ADGRL3: variants seen among roughly 807,000 people sequenced by gnomAD.
ADGRL3 encodes the protein adhesion G protein-coupled receptor L3.
ADGRL3 carries 62 observed loss-of-function variants against 153.5 expected under a neutral mutation model. The observed-to-expected ratio is 0.40, with a 90% CI of 0.33 to 0.50. The LOEUF (loss-of-function observed/expected upper bound fraction) is 0.50. Among genes scored for constraint, ADGRL3 ranks in the 20% least tolerant of loss-of-function variants. The pLI, the probability that ADGRL3 is intolerant of heterozygous loss-of-function variation, is 0.47. For synonymous variants in ADGRL3, 710 were observed against 672.5 expected (o/e 1.06, Z -0.86); for missense variants, 1,641 against 1,859.4 (o/e 0.88, Z 2.16).
intron 5 of ADGRL3, among the ~76,000 whole-genome samples, chr4:61,632,886 G>C (rs193092006): frequency 6.6e-6 from 1 of 152,008 alleles, no homozygotes; most frequent in Admixed American, 6.6e-5. Context: ...ATTTTAAAAG[G>C]CTCATTACTT....
intron 1 of ADGRL3, among the ~76,000 whole-genome samples, chr4:61,223,658 G>A (rs1211780135): frequency 6.6e-6 from 1 of 152,168 alleles, no homozygotes; most frequent in Admixed American, 6.5e-5. Context: ...TAATGTTGAG[G>A]GTGTGTGTCT....
chr4:61,815,782 G>A (rs2097681696), intron 9 of ADGRL3, among the ~76,000 whole-genome samples: 1 of 152,190 alleles, frequency 6.6e-6, no homozygotes. Flanking sequence ...AACTAGGTAG[G>A]TCCTTTTTGC....
intron 2 of ADGRL3, among the ~76,000 whole-genome samples, chr4:61,480,174 C>T (rs1267619524): frequency 6.6e-6 from 1 of 152,142 alleles, no homozygotes; most frequent in Non-Finnish European, 1.5e-5. Flanking sequence ...CATCATCTCT[C>T]CTCTCTCCAT....
intron 3 of ADGRL3, among the ~76,000 whole-genome samples, chr4:61,509,218 C>G (rs1206275163): frequency 6.6e-6 from 1 of 151,444 alleles, no homozygotes; most frequent in Non-Finnish European, 1.5e-5. Context: ...ACCTCCGCCT[C>G]CCGGGTTCAA....
At chr4:61,900,040 C>T (rs1440005349) in intron 11 of ADGRL3, among the ~76,000 whole-genome samples, 2 of 152,122 alleles carry the variant, frequency 1.3e-5, no homozygotes, top group Non-Finnish European at 2.9e-5. Flanking sequence ...CTGGAGAACT[C>T]CTGAGGACAT....
intron 1 of ADGRL3, among the ~76,000 whole-genome samples, chr4:61,208,752 T>G (rs1394948): frequency 0.041 from 6,281 of 152,204 alleles, 444 homozygotes; most frequent in African/African-American, 0.14. Context: ...AAGACCCCAA[T>G]TGAATATTTA....
rs373225409 is a variant in ADGRL3 at position 61,848,055 on chromosome 4, TTA to T, written c.1480+34175_1480+34176del. On this transcript the variant is annotated intron_variant, in intron 9 of 26. Coordinates refer to ENST00000683033, the MANE Select transcript of ADGRL3 (RefSeq NM_001387552.1). Reference sequence around the variant, plus strand: ...TATTATATATATAATATAAAATATATTATATATATAATATAAAATATATTATA... The same window carrying T: ...TATTATATATATAATATAAAATATATTATATATAATATAAAATATATTATA... Among the ~76,000 whole-genome samples the T allele has an allele frequency of 3.8e-3, 42 of 11,078 alleles. 10 individuals are homozygous for T. The highest frequency in any genetic ancestry group is 0.017 in the Non-Finnish European group (34 of 1,958). The allele number at this position is 11,078 out of a possible 152,430, so 7.3% of individuals were successfully genotyped here. A position where few individuals can be genotyped will look rare whatever the true frequency, so the allele number is the denominator to read the frequency against.
At chr4:61,436,874 G>A (rs1426413752) in intron 2 of ADGRL3, among the ~76,000 whole-genome samples, 2 of 101,260 alleles carry the variant, frequency 2.0e-5, no homozygotes, top group African/African-American at 3.3e-5. Flanking sequence ...GCTTTTAAAT[G>A]TGTGGTACTT....
At chr4:61,213,937 A>G (rs1399812444) in intron 1 of ADGRL3, among the ~76,000 whole-genome samples, 2 of 152,222 alleles carry the variant, frequency 1.3e-5, no homozygotes, top group East Asian at 3.9e-4. Flanking sequence ...CTACTTGGTT[A>G]CAGATCCAGA....
At chr4:61,296,806 T>C (rs1322077893) in intron 1 of ADGRL3, among the ~76,000 whole-genome samples, 1 of 152,170 alleles carries the variant, frequency 6.6e-6, no homozygotes, top group East Asian at 1.9e-4. Context: ...TTAAATTATA[T>C]TTATAAAATA....
At chr4:61,326,603 G>A (rs1427562091) in intron 1 of ADGRL3, among the ~76,000 whole-genome samples, 1 of 139,148 alleles carries the variant, frequency 7.2e-6, no homozygotes, top group Non-Finnish European at 1.5e-5. Context: ...CAGATAATGT[G>A]TGTGTGTGTG....
intron 2 of ADGRL3, among the ~76,000 whole-genome samples, chr4:61,425,836 T>C (rs540496164): frequency 5.5e-4 from 84 of 152,348 alleles, no homozygotes; most frequent in African/African-American, 1.9e-3. Context: ...GGGGCTATGG[T>C]AGCCAACCAT....
chr4:61,226,157 A>T (rs1020623997), intron 1 of ADGRL3, among the ~76,000 whole-genome samples: 1 of 152,144 alleles, frequency 6.6e-6, no homozygotes, highest in African/African-American at 2.4e-5. Context: ...TATTAACATA[A>T]ACATTAACAT....
intron 25 of ADGRL3, among the ~76,000 whole-genome samples, chr4:62,047,473 A>G (rs569362109): frequency 2.6e-5 from 4 of 152,118 alleles, no homozygotes; most frequent in African/African-American, 7.2e-5. Flanking sequence ...ATTTTTTTAA[A>G]CCATCTCAAA....
At chr4:61,838,074 G>T (rs1231201371) in intron 9 of ADGRL3, among the ~76,000 whole-genome samples, 1 of 151,890 alleles carries the variant, frequency 6.6e-6, no homozygotes, top group East Asian at 1.9e-4. Flanking sequence ...AGAAAATAAA[G>T]TTTTTTTCTC....
intron 9 of ADGRL3, among the ~76,000 whole-genome samples, chr4:61,831,577 T>A (rs557177869): frequency 1.3e-4 from 20 of 152,260 alleles, no homozygotes; most frequent in African/African-American, 4.6e-4. Context: ...CATTTATAAC[T>A]GGCATGGACA....
At chr4:61,285,779 G>A (rs954855) in intron 1 of ADGRL3, among the ~76,000 whole-genome samples, 117,172 of 151,524 alleles carry the variant, frequency 0.77, 45,831 homozygotes, top group Non-Finnish European at 0.84. Flanking sequence ...CACTTAATAT[G>A]GTACCAGATA....
At chr4:61,936,094 G>A in intron 15 of ADGRL3, 49 bp downstream of exon 15, 1 of 1,597,850 alleles carries the variant, frequency 6.3e-7, no homozygotes, top group African/African-American at 1.3e-5. Flanking sequence ...ACTTGCATCA[G>A]TTCATTTCTT....
intron 5 of ADGRL3, among the ~76,000 whole-genome samples, chr4:61,671,358 A>T (rs1168226551): frequency 6.6e-6 from 1 of 152,174 alleles, no homozygotes; most frequent in African/African-American, 2.4e-5. Flanking sequence ...ATTTGGGAAG[A>T]TGTGTATCTT....
Sources: gnomAD v4.1 joint callset for allele counts (sites outside exome capture counted in the v4.1 genomes callset) on GRCh38, gnomAD v4.1.1 for gene constraint, MANE v1.5 for transcripts, NCBI Gene and HGNC (gene_info 2026-07-23, HGNC 2026-07-21) for gene names.